SLIT1: variants seen among roughly 807,000 people sequenced by gnomAD.
The protein encoded by SLIT1 is slit homolog 1 protein.
Under a neutral mutation model 186.1 loss-of-function variants are expected in SLIT1, and 66 were observed. The observed-to-expected ratio is 0.35, with a 90% CI of 0.29 to 0.44. SLIT1 has a LOEUF of 0.44. Among genes scored for constraint, SLIT1 ranks in the 20% least tolerant of loss-of-function variants. The probability of loss-of-function intolerance (pLI) is 1.00; values close to 1 mark genes in which losing one functional copy is unlikely to be tolerated. For missense variants in SLIT1, 1,638 were observed against 2,037.4 expected, an observed-to-expected ratio of 0.80 and a Z score of 3.77; for synonymous variants, 761 against 833.8, an observed-to-expected ratio of 0.91 and a Z score of 1.50.
intron 28 of SLIT1, among the ~76,000 whole-genome samples, 172 bp from the exon 29 acceptor site, chr10:97,014,330 G>A (rs1186647065): frequency 1.3e-5 from 2 of 152,222 alleles, no homozygotes; most frequent in African/African-American, 2.4e-5. Flanking sequence ...GCCCTCATGG[G>A]ATTCACTCAC....
At chr10:97,051,621 T>C (rs7893716) in intron 13 of SLIT1, among the ~76,000 whole-genome samples, 42,348 of 151,868 alleles carry the variant, frequency 0.28, 6,782 homozygotes, top group African/African-American at 0.44. Flanking sequence ...ATCAGCCTGA[T>C]CAAGATGGTG....
intron 4 of SLIT1, among the ~76,000 whole-genome samples, chr10:97,147,885 C>T (rs1849835300): frequency 6.6e-6 from 1 of 152,248 alleles, no homozygotes; most frequent in South Asian, 2.1e-4. Context: ...GCTCCTTCCA[C>T]TGGAGTCCAG....
At chr10:97,049,760 C>T (rs370982906) in intron 13 of SLIT1, among the ~76,000 whole-genome samples, 1 of 152,364 alleles carries the variant, frequency 6.6e-6, no homozygotes, top group South Asian at 2.1e-4. Context: ...TGTCTGTCAA[C>T]ACAAAGAAAA....
chr10:97,036,634 A>G (rs940103652), intron 22 of SLIT1, among the ~76,000 whole-genome samples: 1 of 152,236 alleles, frequency 6.6e-6, no homozygotes, highest in Non-Finnish European at 1.5e-5. Flanking sequence ...ATATCTAATT[A>G]CAAACCCATT....
chr10:97,074,750 C>T (rs1043329787), intron 4 of SLIT1, among the ~76,000 whole-genome samples: 2 of 152,244 alleles, frequency 1.3e-5, no homozygotes, highest in African/African-American at 4.8e-5. Flanking sequence ...AGGGGGCCGC[C>T]AGGCCCACAC....
chr10:97,019,563 C>G (rs1040710979), intron 26 of SLIT1, among the ~76,000 whole-genome samples: 2 of 152,156 alleles, frequency 1.3e-5, no homozygotes, highest in African/African-American at 2.4e-5. Flanking sequence ...GAGACGGTGA[C>G]TTTGTGAGCA....
At chr10:97,069,615 T>C (rs1848984224) in intron 4 of SLIT1, among the ~76,000 whole-genome samples, 1 of 151,420 alleles carries the variant, frequency 6.6e-6, no homozygotes, top group Non-Finnish European at 1.5e-5. Flanking sequence ...TCTTAAAGAG[T>C]TGATGTGTCC....
At chr10:97,100,965 T>C (rs1849347121) in intron 4 of SLIT1, among the ~76,000 whole-genome samples, 1 of 152,174 alleles carries the variant, frequency 6.6e-6, no homozygotes, top group Non-Finnish European at 1.5e-5. Flanking sequence ...GGGTATAGTC[T>C]GCCCACCTAC....
At chr10:97,113,544 AT>A (rs1316438341) in intron 4 of SLIT1, among the ~76,000 whole-genome samples, 2 of 129,428 alleles carry the variant, frequency 1.5e-5, no homozygotes, top group East Asian at 4.7e-4. Context: ...AGCCCCAAAC[AT>A]TTTTCTTTTA....
chr10:97,079,154 C>T (rs893120043), intron 4 of SLIT1, among the ~76,000 whole-genome samples: 7 of 152,210 alleles, frequency 4.6e-5, no homozygotes, highest in Non-Finnish European at 1.0e-4. Flanking sequence ...GGGTTAATCA[C>T]ATCTCCCTCT....
intron 3 of SLIT1, among the ~76,000 whole-genome samples, chr10:97,162,838 T>G (rs1388845552): frequency 6.6e-6 from 1 of 151,866 alleles, no homozygotes; most frequent in Admixed American, 6.6e-5. Flanking sequence ...TCTTTTTTTT[T>G]CATCGTTGCC....
intron 31 of SLIT1, among the ~76,000 whole-genome samples, chr10:97,009,098 C>G (rs747471974): frequency 6.6e-6 from 1 of 151,946 alleles, no homozygotes; most frequent in Non-Finnish European, 1.5e-5. Flanking sequence ...AGGATGGTCT[C>G]GATCTCCTGA....
At chr10:97,121,998 A>T (rs1849563825) in intron 4 of SLIT1, among the ~76,000 whole-genome samples, 1 of 152,244 alleles carries the variant, frequency 6.6e-6, no homozygotes, top group South Asian at 2.1e-4. Context: ...AGATGGGAGA[A>T]CAAGGTGTAG....
intron 21 of SLIT1, among the ~76,000 whole-genome samples, chr10:97,038,691 G>T (rs1848663597): frequency 6.6e-6 from 1 of 152,016 alleles, no homozygotes; most frequent in African/African-American, 2.4e-5. Context: ...ACTAACTACA[G>T]CCTGCAGGAC....
At chr10:97,166,158 A>G (rs539996320) in intron 1 of SLIT1, among the ~76,000 whole-genome samples, 122 of 152,104 alleles carry the variant, frequency 8.0e-4, no homozygotes, top group Non-Finnish European at 1.5e-3. Flanking sequence ...CGTATGGCCA[A>G]GAGTTCAACC....
At chr10:97,034,635 G>T in intron 22 of SLIT1, 93 bp from the exon 23 acceptor site, 1 of 1,167,780 alleles carries the variant, frequency 8.6e-7, no homozygotes, top group Non-Finnish European at 1.3e-6. Context: ...TCTGCCCAGG[G>T]CCATTCCCCA....
intron 4 of SLIT1, among the ~76,000 whole-genome samples, chr10:97,131,704 C>A (rs1849656009): frequency 6.6e-6 from 1 of 152,196 alleles, no homozygotes; most frequent in Non-Finnish European, 1.5e-5. Context: ...AATGTTCTAG[C>A]CAATTCTGCA....
intron 4 of SLIT1, among the ~76,000 whole-genome samples, chr10:97,116,520 A>G (rs903264726): frequency 2.0e-5 from 3 of 152,198 alleles, no homozygotes; most frequent in African/African-American, 7.2e-5. Context: ...TGAGCTGCTG[A>G]CCAGGAGCCC....
chr10:97,069,241 C>T (rs1374374371), intron 4 of SLIT1, among the ~76,000 whole-genome samples: 2 of 152,228 alleles, frequency 1.3e-5, no homozygotes, highest in Non-Finnish European at 2.9e-5. Context: ...TAACCAGGAG[C>T]CCAGGCTGAC....
Sources: gnomAD v4.1 joint callset for allele counts (sites outside exome capture counted in the v4.1 genomes callset) on GRCh38, gnomAD v4.1.1 for gene constraint, MANE v1.5 for transcripts, NCBI Gene and HGNC (gene_info 2026-07-23, HGNC 2026-07-21) for gene names.